SNTG1: variants seen among roughly 807,000 people sequenced by gnomAD.
SNTG1 encodes the protein syntrophin gamma 1, also known as gamma-1-syntrophin.
In SNTG1, 39 loss-of-function variants were observed where a neutral mutation model predicts 74.7. That is an observed-to-expected ratio of 0.52 (90% CI 0.40 to 0.68). The LOEUF (loss-of-function observed/expected upper bound fraction) is 0.68, where lower values mean the gene tolerates loss of function less well. Among genes scored for constraint, SNTG1 ranks in the 30% least tolerant of loss-of-function variants. The pLI is 0.00. For synonymous variants in SNTG1, 254 were observed against 217.1 expected (o/e 1.17, Z -1.49); for missense variants, 685 against 609.5 (o/e 1.12, Z -1.30).
intron 1 of SNTG1, among the ~76,000 whole-genome samples, chr8:50,062,745 C>T (rs1820584582): frequency 6.6e-6 from 1 of 152,016 alleles, no homozygotes; most frequent in Non-Finnish European, 1.5e-5. Context: ...GATAATTTGC[C>T]CACAAACAAT....
chr8:50,380,600 T>C (rs936012800), intron 2 of SNTG1, among the ~76,000 whole-genome samples: 4 of 152,226 alleles, frequency 2.6e-5, no homozygotes, highest in African/African-American at 9.7e-5. Context: ...CTATTCTGTT[T>C]TACATAACTA....
chr8:50,210,799 C>T (rs560129669), intron 2 of SNTG1, among the ~76,000 whole-genome samples: 1 of 151,964 alleles, frequency 6.6e-6, no homozygotes, highest in East Asian at 1.9e-4. Flanking sequence ...AATTTAAAAA[C>T]AAAAACAAAA....
chr8:50,737,451 TGGA>T (rs1563795200), intron 17 of SNTG1, among the ~76,000 whole-genome samples: 1 of 152,044 alleles, frequency 6.6e-6, no homozygotes, highest in Non-Finnish European at 1.5e-5. Flanking sequence ...CAGGACTAGA[TGGA>T]TTCACAGCAG....
chr8:50,511,686 T>A (rs974397481), intron 9 of SNTG1, among the ~76,000 whole-genome samples: 2 of 152,194 alleles, frequency 1.3e-5, no homozygotes, highest in African/African-American at 4.8e-5. Context: ...TCTTTGTCTC[T>A]TTTCATCTTT....
At chr8:50,047,108 G>T (rs747859159) in intron 1 of SNTG1, among the ~76,000 whole-genome samples, 18 of 152,074 alleles carry the variant, frequency 1.2e-4, no homozygotes, top group Non-Finnish European at 2.1e-4. Flanking sequence ...ACTTTGGGAG[G>T]CTGAGTAGGG....
chr8:50,103,225 T>A (rs1401938684), intron 1 of SNTG1, among the ~76,000 whole-genome samples: 1 of 152,238 alleles, frequency 6.6e-6, no homozygotes, highest in Non-Finnish European at 1.5e-5. Flanking sequence ...TTGTATCCTC[T>A]TTTATTTCAT....
chr8:50,274,079 T>TTTG (rs150473240), intron 2 of SNTG1, among the ~76,000 whole-genome samples: 14 of 152,028 alleles, frequency 9.2e-5, no homozygotes, highest in South Asian at 4.2e-4. Flanking sequence ...TGTGTCAGTT[T>TTTG]TTGTTGTTGT....
intron 2 of SNTG1, among the ~76,000 whole-genome samples, chr8:50,233,502 A>C (rs1389376910): frequency 6.6e-6 from 1 of 151,790 alleles, no homozygotes; most frequent in Non-Finnish European, 1.5e-5. Context: ...ACTAGGACCT[A>C]GAGTTTGGTT....
rs189851459 is a variant in SNTG1 at position 50,652,690 on chromosome 8, G to A, written c.850-4219G>A. Among the ~76,000 whole-genome samples, 436 of 152,162 alleles carry A rather than the reference G, an allele frequency of 2.9e-3. 2 individuals are homozygous for A. The highest frequency in any genetic ancestry group is 9.2e-3 in the African/African-American group (383 of 41,512). ...TGGGCACCTTTAGTCCCGGTTACTC[G>A]GGAGGCTGAGGCAGGAGAATCACTT... is the stretch of plus-strand genomic sequence containing the variant. On this transcript the variant is annotated intron_variant, in intron 13 of 18. Coordinates refer to ENST00000642720, the MANE Select transcript of SNTG1 (RefSeq NM_018967.5).
intron 1 of SNTG1, among the ~76,000 whole-genome samples, chr8:50,006,963 G>C (rs528521339): frequency 2.6e-5 from 4 of 152,082 alleles, no homozygotes; most frequent in African/African-American, 9.7e-5. Flanking sequence ...AGGCCCTAGG[G>C]GACTAAGTGG....
chr8:50,750,692 C>G (rs981839052), intron 17 of SNTG1, among the ~76,000 whole-genome samples: 2 of 151,944 alleles, frequency 1.3e-5, no homozygotes, highest in African/African-American at 4.8e-5. Context: ...TGACCCCTGG[C>G]ATTTTTTAGT....
intron 18 of SNTG1, among the ~76,000 whole-genome samples, chr8:50,785,697 C>A (rs1325158090): frequency 6.6e-6 from 1 of 151,870 alleles, no homozygotes; most frequent in Admixed American, 6.6e-5. Context: ...ATAGCAAAAC[C>A]AAAACCATCA....
intron 9 of SNTG1, among the ~76,000 whole-genome samples, chr8:50,527,331 G>A (rs770206298): frequency 1.1e-4 from 16 of 152,030 alleles, no homozygotes; most frequent in Non-Finnish European, 1.6e-4. Flanking sequence ...GTTAGCAGAA[G>A]CTTTATTTCC....
intron 2 of SNTG1, among the ~76,000 whole-genome samples, chr8:50,298,639 T>C (rs7015595): frequency 0.069 from 10,565 of 152,216 alleles, 413 homozygotes; most frequent in African/African-American, 0.086. Context: ...TTAATAAAGA[T>C]GAATATTAAA....
chr8:50,548,934 T>C (rs2094407005), intron 11 of SNTG1, among the ~76,000 whole-genome samples: 1 of 152,148 alleles, frequency 6.6e-6, no homozygotes, highest in South Asian at 2.1e-4. Flanking sequence ...CCTTCTTCAT[T>C]TCACGACCAG....
intron 10 of SNTG1, among the ~76,000 whole-genome samples, chr8:50,531,498 C>A (rs1305922935): frequency 6.6e-6 from 1 of 152,122 alleles, no homozygotes; most frequent in Non-Finnish European, 1.5e-5. Context: ...AATTGCTTTG[C>A]TCACCTTCTT....
chr8:50,216,188 C>G (rs1477268386), intron 2 of SNTG1, among the ~76,000 whole-genome samples: 1 of 152,142 alleles, frequency 6.6e-6, no homozygotes, highest in East Asian at 1.9e-4. Context: ...ATGTAAGCAT[C>G]TTTAAAAGCC....
intron 2 of SNTG1, among the ~76,000 whole-genome samples, chr8:50,327,107 C>A (rs2090780094): frequency 6.6e-6 from 1 of 151,902 alleles, no homozygotes; most frequent in Non-Finnish European, 1.5e-5. Flanking sequence ...TTTTATGGCC[C>A]AGAATCTGGT....
intron 1 of SNTG1, among the ~76,000 whole-genome samples, chr8:50,001,916 A>G (rs1404814326): frequency 6.6e-6 from 1 of 152,156 alleles, no homozygotes; most frequent in Non-Finnish European, 1.5e-5. Context: ...GATAAGAACA[A>G]TAAGCTTAGA....
Sources: gnomAD v4.1 joint callset for allele counts (sites outside exome capture counted in the v4.1 genomes callset) on GRCh38, gnomAD v4.1.1 for gene constraint, MANE v1.5 for transcripts, NCBI Gene and HGNC (gene_info 2026-07-23, HGNC 2026-07-21) for gene names.